SUGP1: variants seen among roughly 807,000 people sequenced by gnomAD.
The protein encoded by SUGP1 is SURP and G-patch domain containing 1.
Under a neutral mutation model 76.5 loss-of-function variants are expected in SUGP1, and 34 were observed. That is an observed-to-expected ratio of 0.44 (90% CI 0.34 to 0.59). SUGP1 has a LOEUF of 0.59. SUGP1 is among the 20% of genes least tolerant of loss of function. The pLI is 0.01. For synonymous variants in SUGP1, 326 were observed against 326.2 expected (o/e 1.00, Z 0.01); for missense variants, 752 against 851.7 (o/e 0.88, Z 1.46).
In SUGP1 at chr19:19,276,514, G is replaced by T. The variant is rs2061050249; in HGVS notation, c.*134C>A. 2 of 1,051,822 alleles carry T rather than the reference G, an allele frequency of 1.9e-6. No individual in the cohort carries two copies. Among genetic ancestry groups the T allele is most frequent in the Non-Finnish European group, 2.9e-6 (2 of 698,498 alleles). 65.2% of individuals were successfully genotyped at this position (1,051,822 alleles called of 1,614,324 possible). A position where few individuals can be genotyped will look rare whatever the true frequency, so the allele number is the denominator to read the frequency against. On this transcript the variant is annotated 3_prime_UTR_variant, in exon 14 of 14. Coordinates refer to ENST00000247001, the MANE Select transcript of SUGP1 (RefSeq NM_172231.4). The stretch of plus-strand genomic sequence containing the variant: ...TCCTGCAACAGGACCAGGCATCTGT[G>T]GTGGATGAGCACTGGGACTTTATTA...
chr19:19,281,362 T>C (rs1381593996), intron 8 of SUGP1: 3 of 152,150 alleles, frequency 2.0e-5, no homozygotes, highest in Non-Finnish European at 4.4e-5. Context: ...AGCACCCGGA[T>C]CTAAGCACTA....
intron 1 of SUGP1, among the ~76,000 whole-genome samples, chr19:19,320,088 C>T (rs905321864): frequency 4.6e-5 from 7 of 152,200 alleles, no homozygotes; most frequent in East Asian, 1.9e-4. Flanking sequence ...AGCAGCTTTT[C>T]CAGAAAGCGG....
At position 19,278,728 on chromosome 19, in the gene SUGP1, C is replaced by T. The variant is rs2061073572; in HGVS notation, c.1597G>A (p.Glu533Lys). 3 of 1,613,820 alleles carry T rather than the reference C, an allele frequency of 1.9e-6. No individual in the cohort carries two copies. The highest frequency in any genetic ancestry group is 1.7e-5 in the Admixed American group (1 of 59,988). Residue 533 changes from glutamate to lysine, a missense_variant, in exon 11 of 14, where the codon GAG becomes AAG. Around this residue, in one of 2 missense-constraint regions of SUGP1, gnomAD observed 132 missense variants for 234.4 expected, o/e 0.56. Coordinates refer to ENST00000247001, the MANE Select transcript of SUGP1 (RefSeq NM_172231.4). ...HFIGDFLPPD[E>K]LEKFMETFKA... ...AAGGTCTCCATAAACTTTTCCAGCTCGTCTGGAGGCAGGAAGTCTCCGATG... is the reference window on the plus strand; with the variant it reads ...AAGGTCTCCATAAACTTTTCCAGCTTGTCTGGAGGCAGGAAGTCTCCGATG...
intron 2 of SUGP1, 56 bp from the exon 3 acceptor site, chr19:19,310,256 A>G: frequency 1.5e-6 from 2 of 1,354,252 alleles, no homozygotes; most frequent in Non-Finnish European, 2.1e-6. Context: ...GAGTGAGGGC[A>G]CCAGAGGACG....
chr19:19,282,810 G>A (rs1216778207), intron 8 of SUGP1, among the ~76,000 whole-genome samples: 1 of 152,190 alleles, frequency 6.6e-6, no homozygotes, highest in Non-Finnish European at 1.5e-5. Flanking sequence ...AGGCACGGCG[G>A]CTCACGCCTG....
intron 4 of SUGP1, chr19:19,304,147 CT>C: frequency 1.2e-6 from 1 of 808,984 alleles, no homozygotes; most frequent in Admixed American, 2.6e-5. Context: ...ATGCTTAATT[CT>C]TTTCTTTCTT....
chr19:19,314,845 A>G (rs2061380705), intron 2 of SUGP1, among the ~76,000 whole-genome samples: 1 of 151,636 alleles, frequency 6.6e-6, no homozygotes, highest in Non-Finnish European at 1.5e-5. Context: ...GACCAGCCTG[A>G]CCAACAAGGA....
chr19:19,277,311 T>C (rs1388993141), intron 12 of SUGP1, among the ~76,000 whole-genome samples: 2 of 150,602 alleles, frequency 1.3e-5, no homozygotes, highest in Non-Finnish European at 3.0e-5. Flanking sequence ...ACAGTGCAAG[T>C]TGTCGCAGCT....
At chr19:19,304,114 T>G in intron 4 of SUGP1, 1 of 1,253,424 alleles carries the variant, frequency 8.0e-7, no homozygotes. Context: ...TATATCCAGC[T>G]TCCCCTGGTT....
At chr19:19,292,914 T>C (rs1398697308) in intron 8 of SUGP1, among the ~76,000 whole-genome samples, 1 of 146,534 alleles carries the variant, frequency 6.8e-6, no homozygotes, top group African/African-American at 2.5e-5. Context: ...ATTTATTTAC[T>C]TTTTTTTTTT....
intron 8 of SUGP1, among the ~76,000 whole-genome samples, chr19:19,286,528 T>C (rs1374428226): frequency 1.3e-5 from 2 of 152,124 alleles, no homozygotes; most frequent in Non-Finnish European, 2.9e-5. Flanking sequence ...AAAGAGATTG[T>C]AGAGACAGCA....
chr19:19,298,993 G>GC (rs1337335836), intron 7 of SUGP1, among the ~76,000 whole-genome samples: 4 of 152,160 alleles, frequency 2.6e-5, no homozygotes, highest in African/African-American at 7.2e-5. Context: ...AGAAAGTGGA[G>GC]CCCCCCAACA....
In SUGP1 at chr19:19,276,429, C is replaced by G. The variant is rs890780038; in HGVS notation, c.*219G>C. 1.7e-5 allele frequency: 10 copies of G among 572,414 alleles called. No individual in the cohort carries two copies. The highest frequency in any genetic ancestry group is 6.1e-5 in the Admixed American group (2 of 33,056). 35.5% of individuals were successfully genotyped at this position (572,414 alleles called of 1,614,324 possible). A position where few individuals can be genotyped will look rare whatever the true frequency, so the allele number is the denominator to read the frequency against. On this transcript the variant is annotated 3_prime_UTR_variant, in exon 14 of 14. Transcript: ENST00000247001. The stretch of plus-strand genomic sequence containing the variant: ...AGGCTGAGCGGGGATGGAGACTCCA[C>G]AGGCCAATAAGGAGAGCCCCGAGAC...
chr19:19,302,531 T>G, intron 6 of SUGP1, 143 bp from the exon 7 acceptor site: 1 of 1,174,598 alleles, frequency 8.5e-7, no homozygotes, highest in Non-Finnish European at 1.2e-6. Context: ...ATTACTACAC[T>G]GGGACCAGAT....
At chr19:19,277,607 A>G (rs1183523836) in intron 12 of SUGP1, 127 bp downstream of exon 12, 3 of 1,247,724 alleles carry the variant, frequency 2.4e-6, no homozygotes, top group Non-Finnish European at 3.3e-6. Flanking sequence ...AGGGGTGTGC[A>G]GTGGGGTGCT....
chr19:19,316,701 A>G (rs1445870761), intron 1 of SUGP1, 108 bp from the exon 2 acceptor site: 1 of 1,216,210 alleles, frequency 8.2e-7, no homozygotes, highest in East Asian at 2.5e-5. Flanking sequence ...TTATATGTCT[A>G]TTAGTTCATT....
At chr19:19,311,778 G>A (rs962369692) in intron 2 of SUGP1, among the ~76,000 whole-genome samples, 2 of 150,302 alleles carry the variant, frequency 1.3e-5, no homozygotes, top group Non-Finnish European at 3.0e-5. Flanking sequence ...AGAAATGCTT[G>A]CAGATCCCAG....
intron 13 of SUGP1, 93 bp downstream of exon 13, chr19:19,276,854 C>T: frequency 6.3e-7 from 1 of 1,575,458 alleles, no homozygotes; most frequent in Non-Finnish European, 8.6e-7. Context: ...TGAGACCCAG[C>T]CTGGCTGGAC....
At chr19:19,285,159 G>A (rs1156985532) in intron 8 of SUGP1, among the ~76,000 whole-genome samples, 2 of 151,624 alleles carry the variant, frequency 1.3e-5, no homozygotes, top group Non-Finnish European at 2.9e-5. Context: ...GAGCTACCGT[G>A]CCCAGCCTCA....
Sources: allele counts gnomAD v4.1 joint callset (sites outside exome capture counted in the v4.1 genomes callset), GRCh38; gene constraint gnomAD v4.1.1; regional missense constraint gnomAD v4.1.1; transcripts MANE v1.5; gene names NCBI Gene and HGNC (gene_info 2026-07-23, HGNC 2026-07-21).